Variants in C2CD4A observed in about 807,000 individuals in gnomAD.
C2CD4A encodes C2 calcium dependent domain containing 4A, also known as C2 calcium-dependent domain-containing protein 4A.
A neutral mutation model predicts 0.4 loss-of-function variants in C2CD4A; 2 were observed. The observed-to-expected ratio is 4.45, with a 90% CI of 1.82 to 13.99. The LOEUF is 13.99. Ranked by LOEUF, C2CD4A falls within the 30% of genes most tolerant of loss-of-function variation. The probability of loss-of-function intolerance (pLI) is 0.04; values close to 1 mark genes in which losing one functional copy is unlikely to be tolerated. For missense variants in C2CD4A, 610 were observed against 574.2 expected, an observed-to-expected ratio of 1.06 and a Z score of -0.64; for synonymous variants, 297 against 280.8, an observed-to-expected ratio of 1.06 and a Z score of -0.58.
rs1396282565 is a variant in C2CD4A at position 62,067,896 on chromosome 15, C to CA, written c.284dup (p.His95GlnfsTer227). 3 of 1,599,564 alleles carry CA rather than the reference C, an allele frequency of 1.9e-6. No homozygotes were observed. In the East Asian group the frequency reaches 6.7e-5, roughly 36 times the overall value. On this transcript the variant is annotated frameshift_variant, in exon 2 of 2. Coordinates refer to ENST00000355522, the MANE Select transcript of C2CD4A (RefSeq NM_207322.3). ...CTCGCAGGCCGCGCTGTCACTGCCG[C>CA]ACCTGCCCCGTGTGCGCACCGCCTA... is the stretch of plus-strand genomic sequence containing the variant.
chr15:62,068,219 C>T lies in C2CD4A; in HGVS notation c.606C>T (p.Thr202=). 2.2e-6 allele frequency: 3 copies of T among 1,369,374 alleles called. No individual in the cohort carries two copies. Among genetic ancestry groups the T allele is most frequent in the African/African-American group, 3.0e-5 (2 of 66,206 alleles). The allele number at this position is 1,369,374 out of a possible 1,614,324, so 84.8% of individuals were successfully genotyped here. The change falls in exon 2 of 2, where the codon ACC becomes ACT. Residue 202 remains threonine, a synonymous_variant. Transcript: ENST00000355522. ...GGGCTGGGAGGAGTCGCCGCCTGAC[C>T]CGCGTCCGCTCCGTCTCCAGCGGGA... ...ALRAGRSRRL[T]RVRSVSSGNE...
Position 62,067,794 on chromosome 15 carries a change from T to C in C2CD4A, c.181T>C (p.Leu61=). The change falls in exon 2 of 2, where the codon TTG becomes CTG. Residue 61 remains leucine, a synonymous_variant. Coordinates refer to ENST00000355522, the MANE Select transcript of C2CD4A (RefSeq NM_207322.3). ...IPPRLMPRLA[L]AALRNSWVEE... is the part of the protein sequence containing the mutation. ...GCCACGGCTCATGCCCCGCCTGGCC[T>C]TGGCTGCGCTCCGGAATTCTTGGGT... 1 of 1,612,568 alleles carries C rather than the reference T, an allele frequency of 6.2e-7. No individual in the cohort carries two copies. Among genetic ancestry groups the C allele is most frequent in the Non-Finnish European group, 8.5e-7 (1 of 1,179,860 alleles).
Position 62,068,940 on chromosome 15 carries a change from C to T in C2CD4A, c.*217C>T. On this transcript the variant is annotated 3_prime_UTR_variant, in exon 2 of 2. Coordinates refer to ENST00000355522, the MANE Select transcript of C2CD4A (RefSeq NM_207322.3). ...CAAATGGAATGGTTCTACAGTGTTT[C>T]CCAATATAGACAGCCATTTGCATAC... The T allele has an allele frequency of 3.6e-6, 2 of 555,284 alleles. No individual in the cohort carries two copies. The highest frequency in any genetic ancestry group is 6.7e-5 in the East Asian group (2 of 29,728). 34.4% of individuals were successfully genotyped at this position (555,284 alleles called of 1,614,324 possible).
rs1332825575 is a variant in C2CD4A, at chr15:62,068,402, C to G, written c.789C>G (p.Tyr263Ter). Residue 263 changes from tyrosine (Y) to a stop codon, truncating the protein, a stop_gained, in exon 2 of 2, where the codon TAC becomes TAG. Coordinates refer to ENST00000355522, the MANE Select transcript of C2CD4A (RefSeq NM_207322.3). LOFTEE classifies it low-confidence loss of function (END_TRUNC). ...ACGCCCTGCGCCTGGCCGCCGAGTACTGTCCGGGAACCGGGCGGCTCCGCC... is the reference window on the plus strand; with the variant it reads ...ACGCCCTGCGCCTGGCCGCCGAGTAGTGTCCGGGAACCGGGCGGCTCCGCC... ...AGDALRLAAE[Y>*]CPGTGRLRLR... 7.1e-7 allele frequency: 1 copy of G among 1,399,724 alleles called. No homozygotes were observed. Among genetic ancestry groups the G allele is most frequent in the Non-Finnish European group, 9.2e-7 (1 of 1,085,494 alleles). 86.7% of individuals were successfully genotyped at this position (1,399,724 alleles called of 1,614,324 possible).
At position 62,070,780 on chromosome 15, in the gene C2CD4A, A is replaced by G. The variant is rs563467652; in HGVS notation, c.*2057A>G. 8.8e-6 allele frequency: 3 copies of G among 341,308 alleles called. No individual in the cohort carries two copies. The highest frequency in any genetic ancestry group is 9.3e-5 in the East Asian group (2 of 21,548). The allele number at this position is 341,308 out of a possible 1,614,324, so 21.1% of individuals were successfully genotyped here. On this transcript the variant is annotated 3_prime_UTR_variant, in exon 2 of 2. Coordinates refer to ENST00000355522, the MANE Select transcript of C2CD4A (RefSeq NM_207322.3). ...ATGTGCTCTTCTATCTAATCAGTCA[A>G]TATTTCCTTGGCCCTCAAGCCAACA...
In C2CD4A at chr15:62,068,212, GCCTGAC is replaced by G. The variant is rs1309579421; in HGVS notation, c.602_607del (p.Leu201_Thr202del). 2 of 1,357,324 alleles carry G rather than the reference GCCTGAC, an allele frequency of 1.5e-6. No homozygotes were observed. The highest frequency in any genetic ancestry group is 1.9e-6 in the Non-Finnish European group (2 of 1,053,248). 84.1% of individuals were successfully genotyped at this position (1,357,324 alleles called of 1,614,324 possible). A position where few individuals can be genotyped will look rare whatever the true frequency, so the allele number is the denominator to read the frequency against. On this transcript the variant is annotated inframe_deletion, in exon 2 of 2. Transcript: ENST00000355522. Reference sequence around the variant, plus strand: ...GCGCTGCGGGCTGGGAGGAGTCGCCGCCTGACCCGCGTCCGCTCCGTCTCCAGCGGG... The same window carrying G: ...GCGCTGCGGGCTGGGAGGAGTCGCCGCCGCGTCCGCTCCGTCTCCAGCGGG...
intron 1 of C2CD4A, 22 bp from the exon 2 acceptor site, chr15:62,067,563 C>T (rs2140846020): frequency 5.2e-6 from 8 of 1,528,538 alleles, no homozygotes; most frequent in East Asian, 2.3e-5. Flanking sequence ...TCTGACGATC[C>T]TTGTGCCTTT....
rs1419179306 is a variant in C2CD4A, at chr15:62,069,643, A to C, written c.*920A>C. On this transcript the variant is annotated 3_prime_UTR_variant, in exon 2 of 2. Coordinates refer to ENST00000355522, the MANE Select transcript of C2CD4A (RefSeq NM_207322.3). ...CGTTAATTTATGTTTTAACCCCCAA[A>C]AGGAGGCACTGCTATGCCCATTTTA... 1 of 166,974 alleles carries C rather than the reference A, an allele frequency of 6.0e-6. No homozygotes were observed. The highest frequency in any genetic ancestry group is 1.5e-5 in the Non-Finnish European group (1 of 68,098). 10.3% of individuals were successfully genotyped at this position (166,974 alleles called of 1,614,324 possible). A position where few individuals can be genotyped will look rare whatever the true frequency, so the allele number is the denominator to read the frequency against.
Position 62,070,672 on chromosome 15 carries a change from A to G in C2CD4A, c.*1949A>G, listed in dbSNP as rs2049077620. Reference sequence around the variant, plus strand: ...AAATGTGAAGAATACTGTGAATTCTATGACTTTATCAAAATCAGCCACATC... The same window carrying G: ...AAATGTGAAGAATACTGTGAATTCTGTGACTTTATCAAAATCAGCCACATC... On this transcript the variant is annotated 3_prime_UTR_variant, in exon 2 of 2. Coordinates refer to ENST00000355522, the MANE Select transcript of C2CD4A (RefSeq NM_207322.3). 5 of 408,198 alleles carry G rather than the reference A, an allele frequency of 1.2e-5. No individual in the cohort carries two copies. Among genetic ancestry groups the G allele is most frequent in the South Asian group, 1.4e-4 (1 of 7,398 alleles). 25.3% of individuals were successfully genotyped at this position (408,198 alleles called of 1,614,324 possible). A position where few individuals can be genotyped will look rare whatever the true frequency, so the allele number is the denominator to read the frequency against.
At position 62,069,681 on chromosome 15, in the gene C2CD4A, T is replaced by C. The variant is rs2049072225; in HGVS notation, c.*958T>C. 6.0e-6 allele frequency: 1 copy of C among 167,098 alleles called. No homozygotes were observed. The highest frequency in any genetic ancestry group is 2.1e-4 in the South Asian group (1 of 4,832). The allele number at this position is 167,098 out of a possible 1,614,324, so 10.4% of individuals were successfully genotyped here. A position where few individuals can be genotyped will look rare whatever the true frequency, so the allele number is the denominator to read the frequency against. Reference sequence around the variant, plus strand: ...TATGCCCATTTTACAGATGAGGATATTGAGGCACAGAATAAAGAGCAGAGC... The same window carrying C: ...TATGCCCATTTTACAGATGAGGATACTGAGGCACAGAATAAAGAGCAGAGC... On this transcript the variant is annotated 3_prime_UTR_variant, in exon 2 of 2. Coordinates refer to ENST00000355522, the MANE Select transcript of C2CD4A (RefSeq NM_207322.3).
In C2CD4A at chr15:62,070,207, G is replaced by T. The variant is rs2049075332; in HGVS notation, c.*1484G>T. The T allele has an allele frequency of 2.4e-6, 1 of 412,252 alleles. No individual in the cohort carries two copies. Among genetic ancestry groups the T allele is most frequent in the South Asian group, 1.4e-4 (1 of 7,286 alleles). The allele number at this position is 412,252 out of a possible 1,614,324, so 25.5% of individuals were successfully genotyped here. ...GCAAATAGGAAAATGCATCCTAAAT[G>T]AGGGTTTAAAAAATTGAAAATATTT... On this transcript the variant is annotated 3_prime_UTR_variant, in exon 2 of 2. Transcript: ENST00000355522.
intron 1 of C2CD4A, 64 bp from the exon 2 acceptor site, chr15:62,067,521 G>A (rs1037041595): frequency 2.2e-6 from 3 of 1,348,968 alleles, no homozygotes; most frequent in Non-Finnish European, 3.0e-6. Context: ...AGGAGAAAAG[G>A]AACAGGATTT....
At chr15:62,067,391 T>G (rs889977637) in intron 1 of C2CD4A, among the ~76,000 whole-genome samples, 194 bp from the exon 2 acceptor site, 3 of 152,164 alleles carry the variant, frequency 2.0e-5, no homozygotes, top group Admixed American at 1.3e-4. Context: ...ACAGTTGAGA[T>G]AGGACAAAAG....
chr15:62,067,912 G>T lies in C2CD4A; in HGVS notation c.299G>T (p.Arg100Leu), dbSNP rs757120015. 1.9e-5 allele frequency: 31 copies of T among 1,593,276 alleles called. No homozygotes were observed. In the Admixed American group the frequency reaches 3.4e-4, roughly 17 times the overall value. The change falls in exon 2 of 2, where the codon CGC becomes CTC. Residue 100 changes from arginine to leucine, a missense_variant. Arg to Leu is a moderately radical substitution (Grantham distance 102, BLOSUM62 -2). Transcript: ENST00000355522. Reference protein sequence around the residue: ...ALSLPHLPRVRTAYGFCALLE... With the variant: ...ALSLPHLPRVLTAYGFCALLE... ...TCACTGCCGCACCTGCCCCGTGTGCGCACCGCCTACGGCTTCTGCGCGCTG... is the reference window on the plus strand; with the variant it reads ...TCACTGCCGCACCTGCCCCGTGTGCTCACCGCCTACGGCTTCTGCGCGCTG...
Position 62,068,596 on chromosome 15 carries a change from G to A in C2CD4A, c.983G>A (p.Gly328Asp). Reference sequence around the variant, plus strand: ...TTTGACCAGGACTTCTGCTTCGACGGCCTCTCGGAGGACGAAGTGCGCCGC... The same window carrying A: ...TTTGACCAGGACTTCTGCTTCGACGACCTCTCGGAGGACGAAGTGCGCCGC... ...ASFDQDFCFD[G>D]LSEDEVRRLA... The change falls in exon 2 of 2, where the codon GGC (glycine) becomes GAC (aspartate). Residue 328 changes from glycine (G) to aspartate (D), a missense_variant. Coordinates refer to ENST00000355522, the MANE Select transcript of C2CD4A (RefSeq NM_207322.3). 1.3e-6 allele frequency: 2 copies of A among 1,568,888 alleles called. No homozygotes were observed. Among genetic ancestry groups the A allele is most frequent in the South Asian group, 1.2e-5 (1 of 85,518 alleles).
rs1302256754 is a variant in C2CD4A, at chr15:62,070,329, G to A, written c.*1606G>A. The A allele has an allele frequency of 7.3e-6, 3 of 413,028 alleles. No homozygotes were observed. Among genetic ancestry groups the A allele is most frequent in the Non-Finnish European group, 1.3e-5 (3 of 226,138 alleles). 25.6% of individuals were successfully genotyped at this position (413,028 alleles called of 1,614,324 possible). On this transcript the variant is annotated 3_prime_UTR_variant, in exon 2 of 2. Coordinates refer to ENST00000355522, the MANE Select transcript of C2CD4A (RefSeq NM_207322.3). ...ATTTCATTTTATCTTTTAGAAACAA[G>A]GCGTCACTCTGTCACCCAGGCTGGA...
At position 62,070,640 on chromosome 15, in the gene C2CD4A, A is replaced by G. The variant is rs1534542; in HGVS notation, c.*1917A>G. On this transcript the variant is annotated 3_prime_UTR_variant, in exon 2 of 2. Transcript: ENST00000355522. ...ATTGTGATGTGTATTTATGATGACCATTGAACAAATGTGAAGAATACTGTG... is the reference window on the plus strand; with the variant it reads ...ATTGTGATGTGTATTTATGATGACCGTTGAACAAATGTGAAGAATACTGTG... The G allele has an allele frequency of 0.53, 218,029 of 411,620 alleles. 59,208 individuals carry two copies. The highest frequency in any genetic ancestry group is 0.62 in the Admixed American group (14,072 of 22,656). The allele number at this position is 411,620 out of a possible 1,614,324, so 25.5% of individuals were successfully genotyped here.
In C2CD4A at chr15:62,070,663, G is replaced by A; in HGVS notation, c.*1940G>A. On this transcript the variant is annotated 3_prime_UTR_variant, in exon 2 of 2. Coordinates refer to ENST00000355522, the MANE Select transcript of C2CD4A (RefSeq NM_207322.3). The stretch of plus-strand genomic sequence containing the variant: ...CCATTGAACAAATGTGAAGAATACT[G>A]TGAATTCTATGACTTTATCAAAATC... The A allele has an allele frequency of 4.9e-6, 2 of 409,750 alleles. No individual in the cohort carries two copies. The highest frequency in any genetic ancestry group is 8.8e-5 in the Admixed American group (2 of 22,628). The allele number at this position is 409,750 out of a possible 1,614,324, so 25.4% of individuals were successfully genotyped here.
Position 62,068,348 on chromosome 15 carries a change from G to C in C2CD4A, c.735G>C (p.Glu245Asp). The C allele has an allele frequency of 7.1e-7, 1 of 1,406,110 alleles. No homozygotes were observed. Among genetic ancestry groups the C allele is most frequent in the Non-Finnish European group, 9.2e-7 (1 of 1,081,082 alleles). The allele number at this position is 1,406,110 out of a possible 1,614,324, so 87.1% of individuals were successfully genotyped here. A position where few individuals can be genotyped will look rare whatever the true frequency, so the allele number is the denominator to read the frequency against. Reference protein sequence around the residue: ...RVPFPERLEAEGTVALGRAGD... With the variant: ...RVPFPERLEADGTVALGRAGD... ...CGTTTCCCGAGCGCCTGGAGGCCGA[G>C]GGCACCGTGGCTCTGGGCCGCGCCG... The change falls in exon 2 of 2, where the codon GAG becomes GAC. Residue 245 changes from glutamate (E) to aspartate (D), a missense_variant. Coordinates refer to ENST00000355522, the MANE Select transcript of C2CD4A (RefSeq NM_207322.3).
Sources: gnomAD v4.1 joint callset for allele counts (sites outside exome capture counted in the v4.1 genomes callset) on GRCh38, gnomAD v4.1.1 for gene constraint, MANE v1.5 for transcripts, NCBI Gene and HGNC (gene_info 2026-07-23, HGNC 2026-07-21) for gene names.